The following CDC20B variants were observed in gnomAD, a reference collection of about 807,000 sequenced individuals.
CDC20B encodes the protein cell division cycle 20B, also known as cell division cycle protein 20 homolog B.
CDC20B carries 58 observed loss-of-function variants against 64.1 expected under a neutral mutation model. That is an observed-to-expected ratio of 0.90 (90% confidence interval 0.73 to 1.13). The LOEUF (loss-of-function observed/expected upper bound fraction) is 1.13. Among genes scored for constraint, CDC20B ranks in the 50% most tolerant of loss-of-function variants. The pLI, the probability that CDC20B is intolerant of heterozygous loss-of-function variation, is 0.00. For synonymous variants in CDC20B, 243 were observed against 230.6 expected, an observed-to-expected ratio of 1.05 and a Z score of -0.49; for missense variants, 597 against 633.0, an observed-to-expected ratio of 0.94 and a Z score of 0.61.
intron 3 of CDC20B, among the ~76,000 whole-genome samples, chr5:55,144,010 AAC>A (rs1743404397): frequency 1.3e-5 from 2 of 150,922 alleles, no homozygotes; most frequent in African/African-American, 4.9e-5. Context: ...AAAAAAAAAA[AAC>A]CAGATTTGCA....
intron 2 of CDC20B, among the ~76,000 whole-genome samples, chr5:55,155,236 A>G (rs1404379272): frequency 6.6e-6 from 1 of 152,230 alleles, no homozygotes; most frequent in Non-Finnish European, 1.5e-5. Flanking sequence ...AAATAATTAG[A>G]AAAGGACCCA....
At chr5:55,172,516 C>T in intron 2 of CDC20B, 72 bp downstream of exon 2, 1 of 1,217,108 alleles carries the variant, frequency 8.2e-7, no homozygotes, top group South Asian at 1.2e-5. Context: ...CCTACAAATA[C>T]ATTATTTACC....
At chr5:55,144,720 A>C (rs1284225145) in intron 3 of CDC20B, among the ~76,000 whole-genome samples, 1 of 152,220 alleles carries the variant, frequency 6.6e-6, no homozygotes, top group Non-Finnish European at 1.5e-5. Flanking sequence ...TCAAATGAGA[A>C]AGAAAAAGTT....
intron 2 of CDC20B, chr5:55,170,538 T>C (rs764902001): frequency 1.9e-6 from 1 of 534,824 alleles, no homozygotes; most frequent in Non-Finnish European, 3.8e-6. Flanking sequence ...TCATTGTATA[T>C]GCAATAAGAC....
chr5:55,131,480 A>C (rs1314688975), intron 6 of CDC20B, among the ~76,000 whole-genome samples: 1 of 152,184 alleles, frequency 6.6e-6, no homozygotes, highest in African/African-American at 2.4e-5. Context: ...AAAGGATGAG[A>C]AAGAGTGAAC....
intron 11 of CDC20B, among the ~76,000 whole-genome samples, chr5:55,116,679 T>C (rs932957607): frequency 2.0e-5 from 3 of 152,188 alleles, no homozygotes; most frequent in African/African-American, 7.2e-5. Context: ...TGCTTTTAAA[T>C]TAATAAGAAA....
chr5:55,119,653 G>GTTAGGTATAGTT (rs1742709060), intron 11 of CDC20B, 148 bp downstream of exon 11: 1 of 600,230 alleles, frequency 1.7e-6, no homozygotes. Context: ...TACGCTCTCT[G>GTTAGGTATAGTT]AGGTAGGGTG....
At chr5:55,146,956 C>A (rs981534877) in intron 2 of CDC20B, 100 bp from the exon 3 acceptor site, 4 of 569,868 alleles carry the variant, frequency 7.0e-6, no homozygotes, top group African/African-American at 1.9e-5. Context: ...TAGTACAACA[C>A]CAATAAAATA....
chr5:55,134,345 C>T (rs1009066229), intron 5 of CDC20B, among the ~76,000 whole-genome samples: 56 of 152,244 alleles, frequency 3.7e-4, no homozygotes, highest in Non-Finnish European at 8.8e-5. Flanking sequence ...TAAATTCCTG[C>T]TTCCGTGTTA....
chr5:55,136,195 C>T (rs1743166339), intron 5 of CDC20B: 1 of 152,026 alleles, frequency 6.6e-6, no homozygotes, highest in Non-Finnish European at 1.5e-5. Flanking sequence ...ATCCACCTGC[C>T]TCGGCCTCCC....
At chr5:55,163,376 A>C (rs954782743) in intron 2 of CDC20B, among the ~76,000 whole-genome samples, 1 of 152,036 alleles carries the variant, frequency 6.6e-6, no homozygotes, top group Non-Finnish European at 1.5e-5. Flanking sequence ...ATTGCTTTTC[A>C]AAATAAGGTG....
chr5:55,143,663 C>A lies in CDC20B; in HGVS notation c.356-20G>T. ...GGGATCCTACAAGAAAGACATTTAT[C>A]TTTGAATTTGGTTTTTAAAACAAGA... On this transcript the variant is annotated intron_variant, in intron 3 of 11. Transcript: ENST00000381375. The A allele has an allele frequency of 1.3e-6, 2 of 1,560,884 alleles. No individual in the cohort carries two copies. Among genetic ancestry groups the A allele is most frequent in the Middle Eastern group, 1.7e-4 (1 of 5,794 alleles).
chr5:55,172,717 A>C, intron 1 of CDC20B, 67 bp from the exon 2 acceptor site: 2 of 1,191,022 alleles, frequency 1.7e-6, no homozygotes, highest in South Asian at 2.6e-5. Flanking sequence ...CAGGTGTGGA[A>C]TTTTTCTAGA....
intron 9 of CDC20B, among the ~76,000 whole-genome samples, chr5:55,123,825 G>A (rs1341051328): frequency 2.0e-5 from 3 of 152,076 alleles, no homozygotes; most frequent in African/African-American, 7.2e-5. Flanking sequence ...TGGGAATTTG[G>A]ACCGATCATC....
At chr5:55,116,165 T>TA (rs1373247519) in intron 11 of CDC20B, among the ~76,000 whole-genome samples, 15 of 152,226 alleles carry the variant, frequency 9.9e-5, no homozygotes, top group African/African-American at 3.4e-4. Context: ...CTCTTTTTTT[T>TA]ATGGAAGACC....
intron 9 of CDC20B, among the ~76,000 whole-genome samples, chr5:55,124,342 A>G (rs1421633541): frequency 6.6e-6 from 1 of 152,130 alleles, no homozygotes. Flanking sequence ...ATAAGGAAAA[A>G]TGGCTTCTTA....
chr5:55,167,698 A>G (rs183646817), intron 2 of CDC20B, among the ~76,000 whole-genome samples: 19 of 152,086 alleles, frequency 1.2e-4, no homozygotes, highest in Admixed American at 1.2e-3. Flanking sequence ...CTGTCTCCAC[A>G]AAAAAAATCA....
chr5:55,143,442 C>T, intron 4 of CDC20B, 71 bp downstream of exon 4: 1 of 1,446,710 alleles, frequency 6.9e-7, no homozygotes, highest in Non-Finnish European at 9.2e-7. Context: ...GCAACTCTTC[C>T]CTTACATTTG....
At chr5:55,149,876 G>A (rs895818721) in intron 2 of CDC20B, among the ~76,000 whole-genome samples, 4 of 152,206 alleles carry the variant, frequency 2.6e-5, no homozygotes, top group Non-Finnish European at 5.9e-5. Context: ...GCTCACACCT[G>A]TAATCCCAAC....
Sources: allele counts gnomAD v4.1 joint callset (sites outside exome capture counted in the v4.1 genomes callset), GRCh38; gene constraint gnomAD v4.1.1; transcripts MANE v1.5; gene names NCBI Gene and HGNC (gene_info 2026-07-23, HGNC 2026-07-21).